Variants in ADGRB3 observed in about 807,000 individuals in gnomAD.
The protein encoded by ADGRB3 is brain-specific angiogenesis inhibitor 3.
ADGRB3 carries 37 observed loss-of-function variants against 193.4 expected under a neutral mutation model. The observed-to-expected ratio is 0.19, with a 90% CI of 0.15 to 0.25. The LOEUF (loss-of-function observed/expected upper bound fraction) is 0.25. Among genes scored for constraint, ADGRB3 ranks in the 10% least tolerant of loss-of-function variants. The pLI, the probability that ADGRB3 is intolerant of heterozygous loss-of-function variation, is 1.00. For synonymous variants in ADGRB3, 690 were observed against 644.2 expected (o/e 1.07, Z -1.08); for missense variants, 1,637 against 1,852.9 (o/e 0.88, Z 2.14).
chr6:68,993,137 A>C (rs1336530355), intron 10 of ADGRB3, among the ~76,000 whole-genome samples: 1 of 152,118 alleles, frequency 6.6e-6, no homozygotes, highest in Non-Finnish European at 1.5e-5. Flanking sequence ...TTTGCATTTT[A>C]ATAGTTCATT....
intron 3 of ADGRB3, among the ~76,000 whole-genome samples, chr6:68,716,245 T>C (rs1404816903): frequency 2.6e-5 from 4 of 151,740 alleles, no homozygotes; most frequent in Non-Finnish European, 5.9e-5. Context: ...GCTGCTTTAA[T>C]TAAAATATAG....
At chr6:69,084,627 C>T (rs1417221773) in intron 17 of ADGRB3, among the ~76,000 whole-genome samples, 2 of 151,954 alleles carry the variant, frequency 1.3e-5, no homozygotes, top group Admixed American at 1.3e-4. Flanking sequence ...GAGATAGGGG[C>T]TTTCAGTTTG....
intron 17 of ADGRB3, among the ~76,000 whole-genome samples, chr6:69,141,899 C>G (rs749033747): frequency 1.3e-5 from 2 of 152,134 alleles, no homozygotes; most frequent in African/African-American, 2.4e-5. Flanking sequence ...TAGTAAGAAG[C>G]AGGGTTGGGA....
At chr6:69,284,318 T>C (rs1345774461) in intron 20 of ADGRB3, among the ~76,000 whole-genome samples, 2 of 152,178 alleles carry the variant, frequency 1.3e-5, no homozygotes, top group East Asian at 3.9e-4. Context: ...CCACTACATT[T>C]GTAGTCCAGG....
At chr6:68,800,074 G>C (rs1248682405) in intron 3 of ADGRB3, among the ~76,000 whole-genome samples, 1 of 152,100 alleles carries the variant, frequency 6.6e-6, no homozygotes, top group East Asian at 1.9e-4. Flanking sequence ...AGTGTACCCA[G>C]AGAGACTTGA....
intron 17 of ADGRB3, among the ~76,000 whole-genome samples, chr6:69,191,465 A>G (rs1006576878): frequency 6.6e-6 from 1 of 152,154 alleles, no homozygotes; most frequent in Non-Finnish European, 1.5e-5. Context: ...GATATAGTGA[A>G]GTCAAGAAGT....
intron 3 of ADGRB3, among the ~76,000 whole-genome samples, chr6:68,686,301 T>C (rs1027329835): frequency 6.6e-6 from 1 of 152,200 alleles, no homozygotes; most frequent in Non-Finnish European, 1.5e-5. Flanking sequence ...CGATTTTTCT[T>C]TGGCCCTCTA....
chr6:69,312,873 CT>C (rs1328220559), intron 20 of ADGRB3, among the ~76,000 whole-genome samples: 2 of 151,642 alleles, frequency 1.3e-5, no homozygotes, highest in Non-Finnish European at 2.9e-5. Flanking sequence ...CTGCCTAAGT[CT>C]AGATAAATTA....
chr6:69,229,729 G>A (rs1392000510), intron 17 of ADGRB3, among the ~76,000 whole-genome samples: 1 of 152,076 alleles, frequency 6.6e-6, no homozygotes, highest in African/African-American at 2.4e-5. Context: ...ATTGGAGTAA[G>A]CTGATAACTT....
In ADGRB3 at chr6:69,164,887, A is replaced by G. The variant is rs1775092323; in HGVS notation, c.2481-68403A>G. 4.6e-5 allele frequency among the ~76,000 whole-genome samples: 7 copies of G among 152,228 alleles called. No individual in the cohort carries two copies. The South Asian group carries it at 1.4e-3, about 32-fold the overall frequency. On this transcript the variant is annotated intron_variant, in intron 17 of 31. Transcript: ENST00000370598. ...GCTTTCTATTCTTGGCAGCTAGCAC[A>G]GTGCCTGGCACATATTAAACATTTC...
chr6:69,339,187 AT>A, intron 25 of ADGRB3, 145 bp from the exon 26 acceptor site: 1 of 1,135,750 alleles, frequency 8.8e-7, no homozygotes, highest in South Asian at 1.6e-5. Context: ...AAAAAAAAAA[AT>A]AAGACTCTCA....
At chr6:69,372,124 A>G (rs1769719430) in intron 29 of ADGRB3, among the ~76,000 whole-genome samples, 1 of 152,078 alleles carries the variant, frequency 6.6e-6, no homozygotes, top group Non-Finnish European at 1.5e-5. Flanking sequence ...TCTCCTTACT[A>G]AAAATTAGGG....
At chr6:68,955,103 T>C (rs748200423) in intron 6 of ADGRB3, among the ~76,000 whole-genome samples, 1 of 152,218 alleles carries the variant, frequency 6.6e-6, no homozygotes, top group Non-Finnish European at 1.5e-5. Context: ...CCTTTCACAA[T>C]GACCTTCATC....
chr6:68,733,805 A>G (rs1765820651), intron 3 of ADGRB3, among the ~76,000 whole-genome samples: 1 of 151,994 alleles, frequency 6.6e-6, no homozygotes. Context: ...AGAACGTAAG[A>G]ATGTACATGT....
chr6:68,763,736 A>T (rs996636160), intron 3 of ADGRB3, among the ~76,000 whole-genome samples: 6 of 152,100 alleles, frequency 3.9e-5, no homozygotes, highest in African/African-American at 1.4e-4. Context: ...ATTTTTCTTT[A>T]CTTGAAGAAA....
At chr6:68,681,716 A>ACACAC (rs1196480132) in intron 3 of ADGRB3, among the ~76,000 whole-genome samples, 6 of 143,418 alleles carry the variant, frequency 4.2e-5, no homozygotes, top group African/African-American at 1.5e-4. Flanking sequence ...TAACAACATC[A>ACACAC]AAAACAACAA....
At chr6:68,993,699 T>C in intron 10 of ADGRB3, 69 bp from the exon 11 acceptor site, 1 of 1,454,354 alleles carries the variant, frequency 6.9e-7, no homozygotes, top group East Asian at 2.3e-5. Flanking sequence ...ATAAAGTTGT[T>C]TGATGAAGTT....
chr6:69,190,950 G>A (rs117050940), intron 17 of ADGRB3, among the ~76,000 whole-genome samples: 3,927 of 152,224 alleles, frequency 0.026, 72 homozygotes, highest in Middle Eastern at 0.051. Flanking sequence ...TGTACCCCAG[G>A]TTTGTATTAG....
intron 26 of ADGRB3, among the ~76,000 whole-genome samples, chr6:69,351,829 G>A (rs1202357768): frequency 1.3e-5 from 2 of 152,142 alleles, no homozygotes; most frequent in East Asian, 3.8e-4. Flanking sequence ...AAAAATATTG[G>A]TAACTATGCT....
Sources: gnomAD v4.1 joint callset for allele counts (sites outside exome capture counted in the v4.1 genomes callset) on GRCh38, gnomAD v4.1.1 for gene constraint, MANE v1.5 for transcripts, NCBI Gene and HGNC (gene_info 2026-07-23, HGNC 2026-07-21) for gene names.